Variants in ABRAXAS1 observed in about 807,000 individuals in gnomAD.
The protein encoded by ABRAXAS1 is BRCA1-A complex subunit Abraxas 1.
In ABRAXAS1, 26 loss-of-function variants were observed where a neutral mutation model predicts 38.4. That is an observed-to-expected ratio of 0.68 (90% CI 0.50 to 0.94). The LOEUF is 0.94. Among genes scored for constraint, ABRAXAS1 ranks in the 40% least tolerant of loss-of-function variants. ABRAXAS1 has a pLI of 0.00. For missense variants in ABRAXAS1, 438 were observed against 481.9 expected, an observed-to-expected ratio of 0.91 and a Z score of 0.85; for synonymous variants, 144 against 165.5, an observed-to-expected ratio of 0.87 and a Z score of 1.00.
Position 83,471,189 on chromosome 4 carries a change from ATCTTTTTTTTTTT to A in ABRAXAS1, c.283-806_283-794del, listed in dbSNP as rs376933585. On this transcript the variant is annotated intron_variant, in intron 4 of 8. Coordinates refer to ENST00000321945, the MANE Select transcript of ABRAXAS1 (RefSeq NM_139076.3). ...GCCAAACATATTTGTTGAAAGAAAC[ATCTTTTTTTTTTT>A]TTTTTTTTTTTTTTTTTTTTTGAGA... Among the ~76,000 whole-genome samples the A allele has an allele frequency of 9.2e-4, 114 of 124,148 alleles. 14 individuals carry two copies. Among genetic ancestry groups the A allele is most frequent in the East Asian group, 3.9e-3 (17 of 4,334 alleles). The allele number at this position is 124,148 out of a possible 152,430, so 81.4% of individuals were successfully genotyped here.
intron 6 of ABRAXAS1, among the ~76,000 whole-genome samples, chr4:83,468,163 G>C (rs894842668): frequency 3.9e-5 from 6 of 151,920 alleles, no homozygotes; most frequent in South Asian, 4.1e-4. Context: ...AAATTAGCCG[G>C]GCATGGTGGT....
chr4:83,484,929 G>A lies in ABRAXAS1; in HGVS notation c.87+57C>T, dbSNP rs1723128643. 15 of 1,442,880 alleles carry A rather than the reference G, an allele frequency of 1.0e-5. No homozygotes were observed. In the South Asian group the frequency reaches 1.6e-4, roughly 16 times the overall value. 89.4% of individuals were successfully genotyped at this position (1,442,880 alleles called of 1,614,324 possible). A position where few individuals can be genotyped will look rare whatever the true frequency, so the allele number is the denominator to read the frequency against. On this transcript the variant is annotated intron_variant, in intron 1 of 8. Transcript: ENST00000321945. Reference sequence around the variant, plus strand: ...GACCGGAGCAACAGCGGGGAGGCAGGCCGCGCGCAGGGCTCTTCCCAGGCG... The same window carrying A: ...GACCGGAGCAACAGCGGGGAGGCAGACCGCGCGCAGGGCTCTTCCCAGGCG...
chr4:83,468,977 GA>G, intron 6 of ABRAXAS1, 54 bp downstream of exon 6: 1 of 1,581,200 alleles, frequency 6.3e-7, no homozygotes, highest in Non-Finnish European at 8.6e-7. Flanking sequence ...TGAGAAATAA[GA>G]AAATTAATTT....
At chr4:83,480,363 C>T (rs779812102) in intron 2 of ABRAXAS1, 4 of 426,972 alleles carry the variant, frequency 9.4e-6, no homozygotes, top group South Asian at 6.6e-5. Context: ...CAGAATGAGA[C>T]TCCATCTCAA....
chr4:83,476,608 CAATGGATCA>C (rs747610218), intron 3 of ABRAXAS1, 26 bp downstream of exon 3: 50 of 1,418,950 alleles, frequency 3.5e-5, no homozygotes, highest in Middle Eastern at 3.6e-4. Context: ...GTAATTTTCA[CAATGGATCA>C]TTTACTTACT....
chr4:83,478,193 G>A (rs1223521118), intron 2 of ABRAXAS1: 2 of 706,628 alleles, frequency 2.8e-6, no homozygotes, highest in Admixed American at 1.8e-5. Flanking sequence ...TGGTTTGGCT[G>A]GGGCTCTTGC....
chr4:83,471,878 C>A (rs975006452), intron 4 of ABRAXAS1, among the ~76,000 whole-genome samples: 1 of 151,164 alleles, frequency 6.6e-6, no homozygotes, highest in African/African-American at 2.4e-5. Context: ...TCAAAAAAAA[C>A]AAAACAAAAA....
chr4:83,485,046 CACCGCCGACGTACTCTCCCCCTCCATGCT>C lies in ABRAXAS1; in HGVS notation c.-3_26del. On this transcript the variant is annotated start_lost and 5_prime_UTR_variant, in exon 1 of 9. Transcript: ENST00000321945. ...GTGCGCCGAGCACAAAGCCCGAGAG[CACCGCCGACGTACTCTCCCCCTCCATGCT>C]ACCGCCGCCTCAGGCTACACAAGAG... is the stretch of plus-strand genomic sequence containing the variant. The C allele has an allele frequency of 6.3e-7, 1 of 1,595,726 alleles. No homozygotes were observed. Among genetic ancestry groups the C allele is most frequent in the East Asian group, 2.3e-5 (1 of 42,998 alleles).
chr4:83,470,255 C>G lies in ABRAXAS1; in HGVS notation c.424G>C (p.Glu142Gln), dbSNP rs756455229. The G allele has an allele frequency of 6.2e-7, 1 of 1,613,766 alleles. No homozygotes were observed. Among genetic ancestry groups the G allele is most frequent in the Admixed American group, 1.7e-5 (1 of 59,996 alleles). ...TCCAGTCGATGAGTAGAGCAGCTTT[C>G]TGTTATTATACTTGGTGTTAATAGC... is the stretch of plus-strand genomic sequence containing the variant. ...FLLLTPSIIT[E>Q]SCSTHRLEHS... Residue 142 changes from glutamate to glutamine, a missense_variant, in exon 5 of 9, where the codon GAA becomes CAA. Around this residue, in one of 3 missense-constraint regions of ABRAXAS1, gnomAD observed 194 missense variants for 269.0 expected, o/e 0.72. Coordinates refer to ENST00000321945, the MANE Select transcript of ABRAXAS1 (RefSeq NM_139076.3).
At chr4:83,462,927 A>C in intron 8 of ABRAXAS1, 25 bp from the exon 9 acceptor site, 2 of 1,414,710 alleles carry the variant, frequency 1.4e-6, no homozygotes, top group Non-Finnish European at 1.9e-6. Context: ...ATAACAGTTC[A>C]ACATATAACA....
intron 1 of ABRAXAS1, among the ~76,000 whole-genome samples, chr4:83,484,597 C>CA (rs1237916464): frequency 1.3e-5 from 2 of 152,252 alleles, no homozygotes; most frequent in Non-Finnish European, 2.9e-5. Context: ...CCTGGTTTTG[C>CA]AAACGCCTGT....
intron 7 of ABRAXAS1, among the ~76,000 whole-genome samples, chr4:83,465,715 G>T: frequency 6.6e-6 from 1 of 152,196 alleles, no homozygotes; most frequent in Middle Eastern, 3.2e-3. Flanking sequence ...TTGAGCCCAA[G>T]AGGTGGTGGT....
intron 5 of ABRAXAS1, chr4:83,469,357 A>G: frequency 3.8e-6 from 2 of 522,284 alleles, no homozygotes; most frequent in Non-Finnish European, 6.8e-6. Flanking sequence ...TCAGTCTCCC[A>G]GGCTGCAGTG....
At chr4:83,465,441 A>G (rs1722318777) in intron 7 of ABRAXAS1, among the ~76,000 whole-genome samples, 1 of 152,190 alleles carries the variant, frequency 6.6e-6, no homozygotes, top group Non-Finnish European at 1.5e-5. Flanking sequence ...AAGTATACAT[A>G]TATTAAGGAA....
chr4:83,477,450 T>C, intron 2 of ABRAXAS1: 1 of 290,580 alleles, frequency 3.4e-6, no homozygotes, highest in South Asian at 3.8e-5. Context: ...TTTTAATGCT[T>C]CCGGGTTGCC....
chr4:83,476,747 T>C, intron 2 of ABRAXAS1, 68 bp from the exon 3 acceptor site: 2 of 1,057,288 alleles, frequency 1.9e-6, no homozygotes, highest in South Asian at 1.3e-5. Context: ...TGCTGCATAT[T>C]GAGCCTTTAC....
At chr4:83,462,957 A>G (rs1722196089) in intron 8 of ABRAXAS1, 55 bp from the exon 9 acceptor site, 1 of 1,198,856 alleles carries the variant, frequency 8.3e-7, no homozygotes, top group Non-Finnish European at 1.2e-6. Flanking sequence ...CAAAGCTTTT[A>G]TAATTAACTA....
intron 3 of ABRAXAS1, among the ~76,000 whole-genome samples, chr4:83,474,705 T>G (rs1722703731): frequency 7.0e-6 from 1 of 142,366 alleles, no homozygotes; most frequent in East Asian, 2.0e-4. Flanking sequence ...AGAGCAAGAC[T>G]CTGTCTCAAA....
At chr4:83,481,205 A>C (rs1722991322) in intron 2 of ABRAXAS1, among the ~76,000 whole-genome samples, 1 of 152,228 alleles carries the variant, frequency 6.6e-6, no homozygotes, top group Admixed American at 6.5e-5. Context: ...TCATGACACA[A>C]TATGATGCCA....
Sources: allele counts gnomAD v4.1 joint callset (sites outside exome capture counted in the v4.1 genomes callset), GRCh38; gene constraint gnomAD v4.1.1; regional missense constraint gnomAD v4.1.1; transcripts MANE v1.5; gene names NCBI Gene and HGNC (gene_info 2026-07-23, HGNC 2026-07-21).